Variants in TMC6 observed in about 807,000 individuals in gnomAD.
TMC6 encodes transmembrane channel like 6.
Under a neutral mutation model 95.4 loss-of-function variants are expected in TMC6, and 71 were observed. The ratio of observed to expected loss-of-function variants is 0.74; its 90% CI spans 0.61 to 0.91. The LOEUF (loss-of-function observed/expected upper bound fraction) is 0.91. Among genes scored for constraint, TMC6 ranks in the 40% least tolerant of loss-of-function variants. The pLI, the probability that TMC6 is intolerant of heterozygous loss-of-function variation, is 0.00. For missense variants in TMC6, 1,074 were observed against 1,079.1 expected (o/e 1.00, Z 0.07); for synonymous variants, 514 against 483.1 (o/e 1.06, Z -0.84).
intron 13 of TMC6, chr17:78,119,970 A>G (rs1005968935): frequency 2.8e-6 from 1 of 360,698 alleles, no homozygotes; most frequent in African/African-American, 2.2e-5. Context: ...TTTTAATCTT[A>G]TTTTTTATTA....
rs1997978 is a variant in TMC6 at position 78,121,890 on chromosome 17, G to A, written c.1228-179C>T. Among the ~76,000 whole-genome samples the A allele has an allele frequency of 0.8, 122,268 of 152,032 alleles. 49,406 individuals carry two copies. The highest frequency in any genetic ancestry group is 0.87 in the African/African-American group (35,944 of 41,506). ...TCTGCTGAGGGCCCTCCCTCCAGGC[G>A]CAGAGAGGACCCAGTCCCCCTGCCG... On this transcript the variant is annotated intron_variant, in intron 10 of 19. Transcript: ENST00000590602. This position sits in a 1 kb window ranked among gnomAD's most constrained non-coding sequence, Gnocchi z 5.6.
Position 78,121,072 on chromosome 17 carries a change from G to A in TMC6, c.1476C>T (p.Val492=). 1 of 1,613,196 alleles carries A rather than the reference G, an allele frequency of 6.2e-7. No homozygotes were observed. The highest frequency in any genetic ancestry group is 8.5e-7 in the Non-Finnish European group (1 of 1,179,996). ...LNLGAPYLCR[V]LAALEPHDSP... Reference sequence around the variant, plus strand: ...AGTCATGCGGCTCCAGGGCGGCCAGGACACGGCACAGGTAGGGGGCCCCCA... The same window carrying A: ...AGTCATGCGGCTCCAGGGCGGCCAGAACACGGCACAGGTAGGGGGCCCCCA... The change falls in exon 12 of 20, where the codon GTC becomes GTT. Residue 492 remains valine (V), a synonymous_variant. Coordinates refer to ENST00000590602, the MANE Select transcript of TMC6 (RefSeq NM_001127198.5). The surrounding 1 kb of genome is among the most constrained non-coding windows in gnomAD (Gnocchi z 5.6).
chr17:78,120,152 CTTTTT>C (rs35789255), intron 13 of TMC6: 1,215 of 150,826 alleles, frequency 8.1e-3, no homozygotes, highest in Middle Eastern at 0.022. Context: ...ATACACGTTA[CTTTTT>C]TTTTTTTTTT....
upstream of TMC6, chr17:78,131,292 G>A: frequency 1.9e-6 from 1 of 538,366 alleles, no homozygotes; most frequent in Non-Finnish European, 3.4e-6. Flanking sequence ...TGGGGAGACT[G>A]AGGCCGTGGC....
Position 78,119,353 on chromosome 17 carries a change from C to T in TMC6, c.1755G>A (p.Pro585=), listed in dbSNP as rs780988961. 1.2e-5 allele frequency: 19 copies of T among 1,613,916 alleles called. No individual in the cohort carries two copies. The highest frequency in any genetic ancestry group is 1.6e-4 in the Middle Eastern group (1 of 6,084). The stretch of plus-strand genomic sequence containing the variant: ...GGACATTCCGGGCAATGTCAAACTC[C>T]GGCTTCCGCCTCCTCTTCAGCTTCT... ...SEKKLKRRRK[P]EFDIARNVLE... is the part of the protein sequence containing the mutation. The change falls in exon 14 of 20, where the codon CCG becomes CCA. Residue 585 remains proline, a synonymous_variant. Transcript: ENST00000590602.
intron 18 of TMC6, among the ~76,000 whole-genome samples, chr17:78,115,165 G>A (rs994471946): frequency 2.0e-4 from 31 of 152,346 alleles, no homozygotes; most frequent in Middle Eastern, 3.4e-3. Flanking sequence ...TGTGGGAGCC[G>A]TCCCATGAGT....
intron 19 of TMC6, 47 bp downstream of exon 19, chr17:78,113,501 C>G (rs377430341): frequency 1.5e-5 from 24 of 1,606,508 alleles, no homozygotes; most frequent in African/African-American, 2.7e-5. Context: ...CCTGGCCCCT[C>G]TCCCCTCCAG....
rs140571458 is a variant in TMC6, at chr17:78,114,588, C to T, written c.2278-964G>A. On this transcript the variant is annotated intron_variant, in intron 18 of 19. Coordinates refer to ENST00000590602, the MANE Select transcript of TMC6 (RefSeq NM_001127198.5). ...CTGATCATCAGTGCCTGGGTCAGAC[C>T]GGGATTCCCCGCCCGGAGCTTCACA... Among the ~76,000 whole-genome samples, 170 of 152,078 alleles carry T rather than the reference C, an allele frequency of 1.1e-3. 3 individuals carry two copies. The highest frequency in any genetic ancestry group is 3.4e-3 in the Middle Eastern group (1 of 294).
chr17:78,113,634 C>G lies in TMC6; in HGVS notation c.2278-10G>C. ...TTTTGTCCTCACCCTCCTAGAAAGG[C>G]CAGAACACAAAGGGGAGGAGAAATC... On this transcript the variant is annotated splice_polypyrimidine_tract_variant and intron_variant, in intron 18 of 19. Coordinates refer to ENST00000590602, the MANE Select transcript of TMC6 (RefSeq NM_001127198.5). 1 of 1,613,148 alleles carries G rather than the reference C, an allele frequency of 6.2e-7. No homozygotes were observed. The highest frequency in any genetic ancestry group is 8.5e-7 in the Non-Finnish European group (1 of 1,179,918).
chr17:78,123,340 T>C (rs1420976777), intron 9 of TMC6, among the ~76,000 whole-genome samples: 1 of 152,118 alleles, frequency 6.6e-6, no homozygotes, highest in Non-Finnish European at 1.5e-5. Context: ...GATGCATGGG[T>C]GGATGGGTGG....
chr17:78,128,185 C>A lies in TMC6; in HGVS notation c.-75+427G>T, dbSNP rs183139915. On this transcript the variant is annotated intron_variant, in intron 1 of 19. Transcript: ENST00000590602. The surrounding 1 kb of genome is among the most constrained non-coding windows in gnomAD (Gnocchi z 4.0). ...TGGCGCCCGTTTCCAGGAACCCCCA[C>A]CCCAGCCGGCAGCGAGCTTCCCGGG... Among the ~76,000 whole-genome samples, 1,060 of 152,256 alleles carry A rather than the reference C, an allele frequency of 7.0e-3. 9 individuals carry two copies. Among genetic ancestry groups the A allele is most frequent in the African/African-American group, 0.024 (1,007 of 41,536 alleles).
Position 78,112,913 on chromosome 17 carries a change from A to G in TMC6, c.*235T>C. On this transcript the variant is annotated 3_prime_UTR_variant, in exon 20 of 20. Transcript: ENST00000590602. ...GGTCACAGACACAGAGCCCCAAGGG[A>G]CAAGCCCATTTGCAAAACCCCTTTA... The G allele has an allele frequency of 1.7e-6, 1 of 576,938 alleles. No homozygotes were observed. Among genetic ancestry groups the G allele is most frequent in the Admixed American group, 3.2e-5 (1 of 31,414 alleles). 35.7% of individuals were successfully genotyped at this position (576,938 alleles called of 1,614,324 possible).
chr17:78,123,685 G>C (rs1226030489), intron 9 of TMC6, among the ~76,000 whole-genome samples: 1 of 149,640 alleles, frequency 6.7e-6, no homozygotes, highest in East Asian at 2.0e-4. Context: ...TGGGTGAATT[G>C]AGTGGGTGGA....
intron 18 of TMC6, among the ~76,000 whole-genome samples, chr17:78,115,656 CA>C (rs2074048954): frequency 7.0e-6 from 1 of 143,658 alleles, no homozygotes; most frequent in East Asian, 2.1e-4. Flanking sequence ...GGAGTGGGCA[CA>C]GGGGCGAAGG....
chr17:78,120,684 G>A lies in TMC6; in HGVS notation c.1684C>T (p.Leu562=). The A allele has an allele frequency of 1.9e-6, 3 of 1,614,040 alleles. No homozygotes were observed. Among genetic ancestry groups the A allele is most frequent in the East Asian group, 2.2e-5 (1 of 44,876 alleles). Residue 562 remains leucine (L), a synonymous_variant, in exon 13 of 20, where the codon CTG becomes TTG. Transcript: ENST00000590602. ...FLVMDFVLML[L]DTLFGELVWR... ...ACCAGTTCCCCAAAAAGCGTGTCCA[G>A]CAACATGAGGACGAAGTCCATCACC...
chr17:78,118,035 T>C, intron 15 of TMC6, 100 bp from the exon 16 acceptor site: 4 of 1,537,866 alleles, frequency 2.6e-6, no homozygotes, highest in Non-Finnish European at 3.5e-6. Context: ...GGGCTGTGCG[T>C]CCAGGCAGAG....
rs778804089 is a variant in TMC6 at position 78,117,597 on chromosome 17, A to G, written c.2069T>C (p.Met690Thr). Residue 690 changes from methionine to threonine, a missense_variant, in exon 17 of 20, where the codon ATG (methionine) becomes ACG (threonine). Physicochemically the swap from Met to Thr is moderately conservative, Grantham distance 81. Transcript: ENST00000590602. The stretch of plus-strand genomic sequence containing the variant: ...CACCCACACCCTGCCGGCCTCGTAC[A>G]TGGTGTCCAGGGTCCGGAAGGGGCC... ...TCGPFRTLDT[M>T]YEAGRVWVRH... is the part of the protein sequence containing the mutation. The G allele has an allele frequency of 1.9e-6, 3 of 1,583,738 alleles. No homozygotes were observed. The highest frequency in any genetic ancestry group is 2.7e-5 in the African/African-American group (2 of 74,252).
In TMC6 at chr17:78,128,235, G is replaced by C. The variant is rs1234060792; in HGVS notation, c.-75+377C>G. Among the ~76,000 whole-genome samples the C allele has an allele frequency of 6.6e-6, 1 of 152,068 alleles. No homozygotes were observed. Among genetic ancestry groups the C allele is most frequent in the Non-Finnish European group, 1.5e-5 (1 of 67,994 alleles). Reference sequence around the variant, plus strand: ...GAGCAGCCGCTACCCAGGGAGAACCGCAACCTGGCCCCAGAGCCCAGAGCG... The same window carrying C: ...GAGCAGCCGCTACCCAGGGAGAACCCCAACCTGGCCCCAGAGCCCAGAGCG... On this transcript the variant is annotated intron_variant, in intron 1 of 19. Coordinates refer to ENST00000590602, the MANE Select transcript of TMC6 (RefSeq NM_001127198.5). The surrounding 1 kb of genome is among the most constrained non-coding windows in gnomAD (Gnocchi z 4.0).
chr17:78,131,445 G>A (rs891093753), upstream of TMC6: 3 of 1,214,076 alleles, frequency 2.5e-6, no homozygotes, highest in Non-Finnish European at 3.5e-6. Flanking sequence ...AGGCCCCGAC[G>A]CCGGCGCAGA....
Sources: allele counts gnomAD v4.1 joint callset (sites outside exome capture counted in the v4.1 genomes callset), GRCh38; gene constraint gnomAD v4.1.1; non-coding constraint Gnocchi (gnomAD v3.1); transcripts MANE v1.5; gene names NCBI Gene and HGNC (gene_info 2026-07-23, HGNC 2026-07-21).